Variants in ITPR1 observed in about 807,000 individuals in gnomAD.
The protein encoded by ITPR1 is inositol 1,4,5-trisphosphate-gated calcium channel ITPR1.
ITPR1 carries 96 observed loss-of-function variants against 318.4 expected under a neutral mutation model. The ratio of observed to expected loss-of-function variants is 0.30; its 90% CI spans 0.26 to 0.36. The LOEUF is 0.36. Among genes scored for constraint, ITPR1 ranks in the 10% least tolerant of loss-of-function variants. The pLI, the probability that ITPR1 is intolerant of heterozygous loss-of-function variation, is 1.00. For synonymous variants in ITPR1, 1,312 were observed against 1,289.9 expected (o/e 1.02, Z -0.37); for missense variants, 2,440 against 3,460.2 (o/e 0.71, Z 7.40).
intron 44 of ITPR1, among the ~76,000 whole-genome samples, chr3:4,762,006 C>G (rs771402184): frequency 6.6e-6 from 1 of 152,172 alleles, no homozygotes; most frequent in South Asian, 2.1e-4. Context: ...AAGGCCCTCC[C>G]TGAGGGCCCT....
At position 4,557,124 on chromosome 3, in the gene ITPR1, C is replaced by T. The variant is rs533012788; in HGVS notation, c.163+36030C>T. Among the ~76,000 whole-genome samples, 33 of 152,184 alleles carry T rather than the reference C, an allele frequency of 2.2e-4. 1 individual carries two copies. The highest frequency in any genetic ancestry group is 1.5e-3 in the South Asian group (7 of 4,822). ...CACCGTGTGTATTAGTCTGTTCTCACGCTGCTAATAAAGACATACCCGAGA... is the reference window on the plus strand; with the variant it reads ...CACCGTGTGTATTAGTCTGTTCTCATGCTGCTAATAAAGACATACCCGAGA... On this transcript the variant is annotated intron_variant, in intron 4 of 61. Coordinates refer to ENST00000649015, the MANE Select transcript of ITPR1 (RefSeq NM_001378452.1).
chr3:4,801,947 G>T (rs574993651), intron 54 of ITPR1, among the ~76,000 whole-genome samples: 1 of 152,168 alleles, frequency 6.6e-6, no homozygotes, highest in African/African-American at 2.4e-5. Context: ...CACCTCATTC[G>T]TGGTTCAGTA....
chr3:4,626,192 G>GTGTA (rs1004914528), intron 4 of ITPR1, among the ~76,000 whole-genome samples: 1 of 151,924 alleles, frequency 6.6e-6, no homozygotes, highest in African/African-American at 2.4e-5. Context: ...TTCTGTGTGT[G>GTGTA]TGTGTGTGTG....
chr3:4,801,877 G>A (rs2048256719), intron 54 of ITPR1, among the ~76,000 whole-genome samples: 1 of 152,202 alleles, frequency 6.6e-6, no homozygotes, highest in Non-Finnish European at 1.5e-5. Flanking sequence ...GGCCCCATAG[G>A]CCAGAGCAGA....
At chr3:4,728,582 G>C (rs918373248) in intron 42 of ITPR1, among the ~76,000 whole-genome samples, 1 of 152,160 alleles carries the variant, frequency 6.6e-6, no homozygotes, top group Non-Finnish European at 1.5e-5. Flanking sequence ...TTTATCCTTT[G>C]AGTTGCAAAC....
At chr3:4,796,731 G>A (rs1212935976) in intron 53 of ITPR1, among the ~76,000 whole-genome samples, 1 of 152,098 alleles carries the variant, frequency 6.6e-6, no homozygotes, top group African/African-American at 2.4e-5. Flanking sequence ...TTAGACTTAG[G>A]AAGTCCAGAG....
chr3:4,696,299 C>T, intron 33 of ITPR1, among the ~76,000 whole-genome samples: 1 of 152,202 alleles, frequency 6.6e-6, no homozygotes, highest in Non-Finnish European at 1.5e-5. Context: ...TAATCCTAGG[C>T]AACTGATTGT....
chr3:4,701,897 C>G (rs1416720025), intron 35 of ITPR1, among the ~76,000 whole-genome samples: 1 of 152,150 alleles, frequency 6.6e-6, no homozygotes, highest in East Asian at 1.9e-4. Context: ...CTTCCTTTCT[C>G]CCCTGACGCT....
chr3:4,651,764 T>A (rs73108495), intron 10 of ITPR1, among the ~76,000 whole-genome samples: 3,369 of 152,316 alleles, frequency 0.022, 130 homozygotes, highest in African/African-American at 0.076. Context: ...CATGAGTACA[T>A]GCGTAGATTG....
At chr3:4,592,659 TCCTC>T (rs2090483003) in intron 4 of ITPR1, among the ~76,000 whole-genome samples, 1 of 152,172 alleles carries the variant, frequency 6.6e-6, no homozygotes, top group Non-Finnish European at 1.5e-5. Context: ...GTCAGGCAGG[TCCTC>T]CCTCTTAATG....
chr3:4,818,344 C>T, intron 60 of ITPR1, 102 bp downstream of exon 60: 1 of 923,304 alleles, frequency 1.1e-6, no homozygotes, highest in Non-Finnish European at 1.6e-6. Context: ...AGAAGAATAA[C>T]ATCCGATGTT....
intron 55 of ITPR1, among the ~76,000 whole-genome samples, chr3:4,807,238 C>G (rs975706374): frequency 2.0e-5 from 3 of 151,942 alleles, no homozygotes; most frequent in African/African-American, 7.3e-5. Flanking sequence ...GAAAACCCCC[C>G]CGAAGCGCGT....
chr3:4,822,956 T>C (rs1452330370), intron 60 of ITPR1, among the ~76,000 whole-genome samples: 1 of 152,252 alleles, frequency 6.6e-6, no homozygotes, highest in South Asian at 2.1e-4. Flanking sequence ...GTTTTGGTGA[T>C]AGCCTTTTTT....
intron 4 of ITPR1, among the ~76,000 whole-genome samples, chr3:4,522,219 G>T (rs1047232371): frequency 1.5e-4 from 23 of 152,054 alleles, no homozygotes; most frequent in Non-Finnish European, 2.5e-4. Context: ...GTAACCTCTG[G>T]AATTGGGGAT....
intron 58 of ITPR1, 171 bp downstream of exon 58, chr3:4,814,733 G>A (rs1051106554): frequency 3.0e-6 from 2 of 672,294 alleles, no homozygotes; most frequent in Non-Finnish European, 5.0e-6. Context: ...ATCACGTGAG[G>A]TGGTGCCGCA....
intron 44 of ITPR1, among the ~76,000 whole-genome samples, chr3:4,764,065 C>T (rs956526956): frequency 2.6e-5 from 4 of 152,192 alleles, no homozygotes; most frequent in East Asian, 1.9e-4. Context: ...CCAGCTTTAG[C>T]GGGCAGTCCT....
At chr3:4,630,971 C>T (rs367573588) in intron 5 of ITPR1, among the ~76,000 whole-genome samples, 5 of 152,206 alleles carry the variant, frequency 3.3e-5, no homozygotes, top group East Asian at 3.9e-4. Context: ...AATGGTGTGG[C>T]GACTAACATT....
rs764336121 is a variant in ITPR1, at chr3:4,777,331, A to G, written c.6248A>G (p.Asn2083Ser). The G allele has an allele frequency of 1.7e-5, 27 of 1,606,900 alleles. No homozygotes were observed. Among genetic ancestry groups the G allele is most frequent in the Non-Finnish European group, 2.2e-5 (26 of 1,176,490 alleles). ...IITALILNDINPLGKKRMDLV... is the reference protein window; with the variant it reads ...IITALILNDISPLGKKRMDLV... ...ACAGCCCTGATCCTCAATGATATCA[A>G]TCCTTTGGGAAAGAAGAGGATGGAC... Residue 2083 changes from asparagine to serine, a missense_variant, in exon 48 of 62, where the codon AAT becomes AGT. Coordinates refer to ENST00000649015, the MANE Select transcript of ITPR1 (RefSeq NM_001378452.1).
intron 38 of ITPR1, among the ~76,000 whole-genome samples, chr3:4,711,031 G>C (rs1046886450): frequency 6.6e-6 from 1 of 151,928 alleles, no homozygotes; most frequent in African/African-American, 2.4e-5. Context: ...GGCCAACATG[G>C]TGAAACCCTA....
Sources: gnomAD v4.1 joint callset for allele counts (sites outside exome capture counted in the v4.1 genomes callset) on GRCh38, gnomAD v4.1.1 for gene constraint, MANE v1.5 for transcripts, NCBI Gene and HGNC (gene_info 2026-07-23, HGNC 2026-07-21) for gene names.